INO80: variants seen among roughly 807,000 people sequenced by gnomAD.
INO80 encodes the protein INO80 complex ATPase subunit.
In INO80, 20 loss-of-function variants were observed where a neutral mutation model predicts 203.4. The ratio of observed to expected loss-of-function variants is 0.10; its 90% CI spans 0.07 to 0.14. The LOEUF (loss-of-function observed/expected upper bound fraction) is 0.14. Among genes scored for constraint, INO80 ranks in the 10% least tolerant of loss-of-function variants. INO80 has a pLI of 1.00. For synonymous variants in INO80, 726 were observed against 685.2 expected (o/e 1.06, Z -0.93); for missense variants, 1,419 against 1,914.4 (o/e 0.74, Z 4.83).
Position 41,049,377 on chromosome 15 carries a change from G to A in INO80, c.2486C>T (p.Ser829Phe). 6.2e-7 allele frequency: 1 copy of A among 1,613,842 alleles called. No homozygotes were observed. Among genetic ancestry groups the A allele is most frequent in the Non-Finnish European group, 8.5e-7 (1 of 1,179,764 alleles). Residue 829 changes from serine to phenylalanine, a missense_variant, in exon 21 of 36, where the codon TCT becomes TTT. Ser to Phe is a radical substitution (Grantham distance 155). This residue lies in a region of INO80 where 192 missense variants were observed against 406.7 expected (regional missense o/e 0.47). Coordinates refer to ENST00000648947, the MANE Select transcript of INO80 (RefSeq NM_017553.3). Reference protein sequence around the residue: ...PELFERQETWSPFHISLKPYH... With the variant: ...PELFERQETWFPFHISLKPYH... ...TGGCTTTAGGGAAATATGAAATGGA[G>A]ACCAAGTTTCTTGCCGTTCAAATAA...
At chr15:41,064,255 G>A (rs1596304371) in intron 14 of INO80, among the ~76,000 whole-genome samples, 1 of 151,990 alleles carries the variant, frequency 6.6e-6, no homozygotes. Context: ...TAAAAATGAG[G>A]GTTCAACAAA....
chr15:41,054,687 GGAGTGCAATGAT>G (rs1203324322), intron 18 of INO80, among the ~76,000 whole-genome samples: 1 of 152,150 alleles, frequency 6.6e-6, no homozygotes, highest in Non-Finnish European at 1.5e-5. Context: ...CACCCAGGCT[GGAGTGCAATGAT>G]GCAATCTCGG....
rs143444906 is a variant in INO80, at chr15:41,000,423, C to T, written c.3498-2822G>A. Among the ~76,000 whole-genome samples the T allele has an allele frequency of 6.6e-5, 10 of 151,946 alleles. No homozygotes were observed. In the East Asian group the frequency reaches 1.2e-3, roughly 18 times the overall value. On this transcript the variant is annotated intron_variant, in intron 28 of 35. Transcript: ENST00000648947. ...AAGATAAGAAATTTCTGGCCAGGTGCGGTGGCTCATGCCTGTAATCCCAAC... is the reference window on the plus strand; with the variant it reads ...AAGATAAGAAATTTCTGGCCAGGTGTGGTGGCTCATGCCTGTAATCCCAAC...
intron 5 of INO80, among the ~76,000 whole-genome samples, chr15:41,089,406 G>A (rs1216833422): frequency 3.3e-5 from 5 of 152,048 alleles, no homozygotes; most frequent in Admixed American, 1.3e-4. Flanking sequence ...AAATTCTTAG[G>A]TCTTCAAATA....
intron 14 of INO80, among the ~76,000 whole-genome samples, chr15:41,067,951 C>T (rs1219028351): frequency 2.0e-5 from 3 of 152,172 alleles, no homozygotes; most frequent in Admixed American, 1.3e-4. Flanking sequence ...CTTTTCATAA[C>T]TAAGCAGCTG....
intron 7 of INO80, among the ~76,000 whole-genome samples, chr15:41,082,692 G>A (rs751310636): frequency 2.0e-4 from 30 of 151,592 alleles, no homozygotes; most frequent in East Asian, 3.9e-4. Flanking sequence ...TGACAAGAGC[G>A]AAACTCCGTC....
intron 22 of INO80, 27 bp from the exon 23 acceptor site, chr15:41,047,528 C>T (rs1213227412): frequency 6.7e-7 from 1 of 1,493,718 alleles, no homozygotes; most frequent in Non-Finnish European, 9.3e-7. Flanking sequence ...AATTTGAAAC[C>T]CAACAGCAAA....
Position 41,016,077 on chromosome 15 carries a change from C to A in INO80, c.3402+11G>T. On this transcript the variant is annotated intron_variant, in intron 27 of 35. Coordinates refer to ENST00000648947, the MANE Select transcript of INO80 (RefSeq NM_017553.3). ...CAAGGTATCCTAGGTCCCCAAGATT[C>A]CCTCTCCTACCTCCAGTAGGTCTAT... is the stretch of plus-strand genomic sequence containing the variant. 6.2e-7 allele frequency: 1 copy of A among 1,607,952 alleles called. No individual in the cohort carries two copies. Among genetic ancestry groups the A allele is most frequent in the Middle Eastern group, 1.7e-4 (1 of 6,036 alleles).
At chr15:40,988,285 T>C (rs772030280) in intron 29 of INO80, among the ~76,000 whole-genome samples, 1 of 152,226 alleles carries the variant, frequency 6.6e-6, no homozygotes, top group Admixed American at 6.5e-5. Context: ...TGCATTGTTC[T>C]AAGTGCATTA....
chr15:41,092,700 A>AAT (rs1254536105), intron 4 of INO80, among the ~76,000 whole-genome samples: 1 of 152,204 alleles, frequency 6.6e-6, no homozygotes, highest in East Asian at 1.9e-4. Context: ...GAATCTTGAA[A>AAT]ATATTATGCT....
chr15:41,080,745 G>A (rs964433568), intron 8 of INO80, among the ~76,000 whole-genome samples: 5 of 152,096 alleles, frequency 3.3e-5, no homozygotes, highest in East Asian at 1.9e-4. Flanking sequence ...CCAGCTACTC[G>A]GGAGGCTGAG....
intron 29 of INO80, among the ~76,000 whole-genome samples, chr15:40,988,990 G>A (rs2043779880): frequency 6.7e-6 from 1 of 149,714 alleles, no homozygotes; most frequent in African/African-American, 2.5e-5. Flanking sequence ...ACTCCAGCCT[G>A]GGCGACACAG....
At chr15:41,039,046 A>G (rs936979524) in intron 24 of INO80, among the ~76,000 whole-genome samples, 7 of 152,164 alleles carry the variant, frequency 4.6e-5, no homozygotes, top group African/African-American at 1.7e-4. Context: ...TTCCAAACTT[A>G]CCCTTCTAGA....
intron 1 of INO80, among the ~76,000 whole-genome samples, chr15:41,104,430 G>C (rs1007766429): frequency 2.6e-5 from 4 of 152,124 alleles, no homozygotes; most frequent in African/African-American, 9.7e-5. Context: ...AATGGTAAAT[G>C]TATGCTTCAG....
At chr15:41,070,076 A>AGAAGAG (rs1275284557) in intron 13 of INO80, among the ~76,000 whole-genome samples, 1 of 152,240 alleles carries the variant, frequency 6.6e-6, no homozygotes, top group African/African-American at 2.4e-5. Flanking sequence ...ACGTCTCCAT[A>AGAAGAG]GAAGAGGAAG....
At chr15:40,992,633 AAC>A (rs375083054) in intron 29 of INO80, among the ~76,000 whole-genome samples, 3 of 152,192 alleles carry the variant, frequency 2.0e-5, no homozygotes, top group Non-Finnish European at 2.9e-5. Context: ...TTTCTCTAGC[AAC>A]ACACACACAG....
intron 1 of INO80, among the ~76,000 whole-genome samples, chr15:41,114,035 A>G (rs1490747460): frequency 1.3e-5 from 2 of 152,120 alleles, no homozygotes; most frequent in African/African-American, 4.8e-5. Context: ...TTGGGAGGCC[A>G]AGGTAGGTGG....
chr15:41,061,177 C>T (rs771640003), intron 14 of INO80, among the ~76,000 whole-genome samples: 41 of 152,000 alleles, frequency 2.7e-4, no homozygotes, highest in South Asian at 1.2e-3. Flanking sequence ...TGTGGTGACA[C>T]GCGCCTGCAG....
chr15:41,114,297 A>G (rs1157957537), intron 1 of INO80, among the ~76,000 whole-genome samples: 5 of 151,688 alleles, frequency 3.3e-5, no homozygotes, highest in African/African-American at 1.2e-4. Flanking sequence ...CATTCATTTT[A>G]AAGTCTAGAA....
Sources: gnomAD v4.1 joint callset for allele counts (sites outside exome capture counted in the v4.1 genomes callset) on GRCh38, gnomAD v4.1.1 for gene constraint, gnomAD v4.1.1 regional missense constraint, MANE v1.5 for transcripts, NCBI Gene and HGNC (gene_info 2026-07-23, HGNC 2026-07-21) for gene names.